The following TBC1D5 variants were observed in gnomAD, a reference collection of about 807,000 sequenced individuals.
The protein encoded by TBC1D5 is TBC1 domain family, member 5.
In TBC1D5, 75 loss-of-function variants were observed where a neutral mutation model predicts 100.3. That is an observed-to-expected ratio of 0.75 (90% CI 0.62 to 0.91). TBC1D5 has a LOEUF of 0.91. TBC1D5 is among the 40% of genes least tolerant of loss of function. TBC1D5 has a pLI of 0.00. For missense variants in TBC1D5, 910 were observed against 942.4 expected, an observed-to-expected ratio of 0.97 and a Z score of 0.45; for synonymous variants, 323 against 325.6, an observed-to-expected ratio of 0.99 and a Z score of 0.09.
intron 3 of TBC1D5, among the ~76,000 whole-genome samples, chr3:17,486,382 C>T (rs2095568539): frequency 6.6e-6 from 1 of 152,154 alleles, no homozygotes; most frequent in Admixed American, 6.5e-5. Context: ...GTTGCCATTG[C>T]TTTTGGTGTT....
intron 2 of TBC1D5, among the ~76,000 whole-genome samples, chr3:17,607,385 C>T (rs115920333): frequency 0.016 from 2,506 of 152,250 alleles, 51 homozygotes; most frequent in South Asian, 0.048. Context: ...CCAGCTTTTA[C>T]TTCCAACTCA....
chr3:17,252,353 T>C (rs750171831), intron 16 of TBC1D5, among the ~76,000 whole-genome samples: 5 of 152,210 alleles, frequency 3.3e-5, no homozygotes, highest in Non-Finnish European at 7.3e-5. Context: ...ACATTCTCTG[T>C]GCTAACTATC....
intron 1 of TBC1D5, among the ~76,000 whole-genome samples, chr3:17,653,933 G>T (rs1428689906): frequency 1.3e-5 from 2 of 152,126 alleles, no homozygotes; most frequent in African/African-American, 4.8e-5. Flanking sequence ...AGTGAATAAG[G>T]ATTAGAGGGG....
chr3:17,697,768 G>T (rs1489215740), intron 1 of TBC1D5, among the ~76,000 whole-genome samples: 1 of 147,828 alleles, frequency 6.8e-6, no homozygotes, highest in Non-Finnish European at 1.5e-5. Flanking sequence ...TAAAGTTCAT[G>T]TGGAACCAAA....
At chr3:17,202,697 C>A (rs2125829348) in intron 18 of TBC1D5, among the ~76,000 whole-genome samples, 1 of 152,334 alleles carries the variant, frequency 6.6e-6, no homozygotes, top group Admixed American at 6.5e-5. Flanking sequence ...CCATCCATGG[C>A]TAAAAGGGCC....
chr3:17,738,595 G>A (rs1184671268), intron 1 of TBC1D5, among the ~76,000 whole-genome samples: 2 of 152,040 alleles, frequency 1.3e-5, no homozygotes, highest in South Asian at 2.1e-4. Flanking sequence ...TCCATCATTC[G>A]GATGTGCAAC....
At chr3:17,344,862 A>G (rs2089622412) in intron 13 of TBC1D5, among the ~76,000 whole-genome samples, 1 of 152,200 alleles carries the variant, frequency 6.6e-6, no homozygotes, top group African/African-American at 2.4e-5. Flanking sequence ...CTGGCTAGCC[A>G]TATGTAGAAA....
chr3:17,306,376 T>C (rs906761668), intron 14 of TBC1D5, among the ~76,000 whole-genome samples: 1 of 152,232 alleles, frequency 6.6e-6, no homozygotes, highest in Non-Finnish European at 1.5e-5. Flanking sequence ...CTGACAAATA[T>C]TCATTCTATT....
At chr3:17,578,083 A>G (rs2096668856) in intron 2 of TBC1D5, among the ~76,000 whole-genome samples, 1 of 152,042 alleles carries the variant, frequency 6.6e-6, no homozygotes, top group Admixed American at 6.6e-5. Flanking sequence ...AATGTAGGAA[A>G]CACTCTTGGA....
chr3:17,503,307 C>T (rs1250067020), intron 3 of TBC1D5, among the ~76,000 whole-genome samples: 1 of 149,648 alleles, frequency 6.7e-6, no homozygotes, highest in Non-Finnish European at 1.5e-5. Flanking sequence ...AGACATCACA[C>T]CTTCCTTGAT....
At chr3:17,160,061 A>C (rs1159164898) in exon 22 of TBC1D5, 1 of 152,202 alleles carries the variant, frequency 6.6e-6, no homozygotes, top group Non-Finnish European at 1.5e-5. Context: ...ACTGTCTGAA[A>C]GATGTTTATC....
chr3:17,590,683 T>C (rs535352927), intron 2 of TBC1D5, among the ~76,000 whole-genome samples: 2 of 152,204 alleles, frequency 1.3e-5, no homozygotes, highest in Admixed American at 1.3e-4. Context: ...TTAAATACGA[T>C]GGGAACAGTT....
chr3:17,506,736 T>C (rs1415563760), intron 3 of TBC1D5, among the ~76,000 whole-genome samples: 1 of 151,670 alleles, frequency 6.6e-6, no homozygotes, highest in Admixed American at 6.6e-5. Flanking sequence ...CAATAAAGGA[T>C]AAAATTAATT....
At chr3:17,637,743 T>C (rs1030436207) in intron 1 of TBC1D5, among the ~76,000 whole-genome samples, 2 of 152,170 alleles carry the variant, frequency 1.3e-5, no homozygotes, top group Non-Finnish European at 1.5e-5. Context: ...GGCAAGAGTA[T>C]GGCCATTCAT....
At chr3:17,247,894 C>G (rs1190971187) in intron 16 of TBC1D5, among the ~76,000 whole-genome samples, 1 of 152,126 alleles carries the variant, frequency 6.6e-6, no homozygotes, top group East Asian at 1.9e-4. Flanking sequence ...ACAGTTTTAT[C>G]ATGAGACTGC....
In TBC1D5 at chr3:17,167,241, C is replaced by T. The variant is rs914595784; in HGVS notation, c.1933-313G>A. ...TTTGCCTGTACACCCACCCCCACTGCACACCTTGGTCACTAAAGTGGCTCC... is the reference window on the plus strand; with the variant it reads ...TTTGCCTGTACACCCACCCCCACTGTACACCTTGGTCACTAAAGTGGCTCC... On this transcript the variant is annotated intron_variant, in intron 20 of 21. Transcript: ENST00000253692. 1.4e-4 allele frequency among the ~76,000 whole-genome samples: 21 copies of T among 152,314 alleles called. 2 individuals are homozygous for T. The highest frequency in any genetic ancestry group is 6.2e-4 in the South Asian group (3 of 4,822).
At chr3:17,583,365 G>A (rs193036691) in intron 2 of TBC1D5, among the ~76,000 whole-genome samples, 2 of 151,926 alleles carry the variant, frequency 1.3e-5, no homozygotes, top group East Asian at 3.9e-4. Context: ...TCATTTATCG[G>A]TATCATAAGA....
chr3:17,160,850 T>C, exon 22 of TBC1D5: 2 of 1,343,454 alleles, frequency 1.5e-6, no homozygotes, highest in Non-Finnish European at 2.0e-6. Context: ...GCAAAATGCA[T>C]GCCGGGAAGG....
intron 4 of TBC1D5, among the ~76,000 whole-genome samples, 160 bp downstream of exon 4, chr3:17,428,290 T>C (rs1200199101): frequency 6.6e-6 from 1 of 151,326 alleles, no homozygotes; most frequent in African/African-American, 2.4e-5. Flanking sequence ...TAACACAATA[T>C]TGTTTACATT....
Sources: allele counts gnomAD v4.1 joint callset (sites outside exome capture counted in the v4.1 genomes callset), GRCh38; gene constraint gnomAD v4.1.1; transcripts MANE v1.5; gene names NCBI Gene and HGNC (gene_info 2026-07-23, HGNC 2026-07-21).